The following EPM2A variants were observed in gnomAD, a reference collection of about 807,000 sequenced individuals.
EPM2A encodes the protein EPM2A glucan phosphatase, laforin, also known as laforin.
Under a neutral mutation model 26.5 loss-of-function variants are expected in EPM2A, and 21 were observed. That is an observed-to-expected ratio of 0.79 (90% CI 0.56 to 1.14). The LOEUF (loss-of-function observed/expected upper bound fraction) is 1.14. EPM2A is among the 50% of genes most tolerant of loss of function. EPM2A has a pLI of 0.00. For synonymous variants in EPM2A, 217 were observed against 177.6 expected, an observed-to-expected ratio of 1.22 and a Z score of -1.76; for missense variants, 458 against 440.8, an observed-to-expected ratio of 1.04 and a Z score of -0.35.
chr6:145,462,326 G>A (rs1779337143), intron 4 of EPM2A, among the ~76,000 whole-genome samples: 1 of 152,050 alleles, frequency 6.6e-6, no homozygotes, highest in South Asian at 2.1e-4. Context: ...GGGGTGGGTA[G>A]GATCAACCCC....
intron 4 of EPM2A, among the ~76,000 whole-genome samples, chr6:145,430,511 G>A (rs952455134): frequency 6.6e-6 from 1 of 151,796 alleles, no homozygotes; most frequent in Non-Finnish European, 1.5e-5. Context: ...TGAAGCAGGA[G>A]AATCGCTTGA....
At chr6:145,468,692 T>C (rs1316978410) in intron 4 of EPM2A, among the ~76,000 whole-genome samples, 1 of 152,074 alleles carries the variant, frequency 6.6e-6, no homozygotes, top group Non-Finnish European at 1.5e-5. Flanking sequence ...AATAAAACAT[T>C]GGGGAACCTC....
At chr6:145,714,324 TA>T (rs751985396) in intron 1 of EPM2A, among the ~76,000 whole-genome samples, 2 of 152,170 alleles carry the variant, frequency 1.3e-5, no homozygotes, top group African/African-American at 2.4e-5. Flanking sequence ...AGCCCTCAAT[TA>T]ACATGGTAGA....
chr6:145,490,932 G>A (rs1779746869), intron 4 of EPM2A: 2 of 764,692 alleles, frequency 2.6e-6, no homozygotes, highest in Admixed American at 1.8e-5. Context: ...CTTGTGTTCT[G>A]TGTGTACTTT....
intron 4 of EPM2A, among the ~76,000 whole-genome samples, chr6:145,397,747 T>C (rs1004581948): frequency 6.6e-6 from 1 of 152,186 alleles, no homozygotes; most frequent in Admixed American, 6.5e-5. Context: ...CCAACCTGTG[T>C]GCTGTTAAGT....
intron 2 of EPM2A, chr6:145,638,023 C>CATAA (rs1776824163): frequency 6.6e-6 from 1 of 152,082 alleles, no homozygotes; most frequent in Non-Finnish European, 1.5e-5. Context: ...GAAATAGAAA[C>CATAA]TATTATAAGA....
At chr6:145,428,397 A>T (rs1487688914) in intron 4 of EPM2A, among the ~76,000 whole-genome samples, 1 of 151,958 alleles carries the variant, frequency 6.6e-6, no homozygotes, top group African/African-American at 2.4e-5. Context: ...CTTTTTATCT[A>T]CACCCACCTT....
At chr6:145,727,120 G>T (rs1006989985) in intron 1 of EPM2A, among the ~76,000 whole-genome samples, 3 of 152,022 alleles carry the variant, frequency 2.0e-5, no homozygotes, top group African/African-American at 4.8e-5. Context: ...ACTCAAAAAG[G>T]CATGGAAAGA....
chr6:145,406,702 A>G (rs1330759900), intron 4 of EPM2A, among the ~76,000 whole-genome samples: 2 of 152,142 alleles, frequency 1.3e-5, no homozygotes, highest in East Asian at 3.9e-4. Flanking sequence ...TGAATATAGC[A>G]ATTATTTTTG....
chr6:145,697,374 G>T (rs1260928002), intron 1 of EPM2A, among the ~76,000 whole-genome samples: 1 of 152,128 alleles, frequency 6.6e-6, no homozygotes, highest in African/African-American at 2.4e-5. Flanking sequence ...GCAAATGGAG[G>T]CAGGGCAAGA....
intron 2 of EPM2A, among the ~76,000 whole-genome samples, chr6:145,579,421 C>A (rs1781082419): frequency 6.6e-6 from 1 of 152,096 alleles, no homozygotes; most frequent in South Asian, 2.1e-4. Context: ...GAGAATTGCC[C>A]CTGATATCAT....
rs142787247 is a variant in EPM2A at position 145,541,346 on chromosome 6, G to GTGTA, written c.341-38772_341-38771insTACA. 2.7e-4 allele frequency among the ~76,000 whole-genome samples: 40 copies of GTGTA among 148,364 alleles called. 1 individual carries two copies. Among genetic ancestry groups the GTGTA allele is most frequent in the African/African-American group, 9.1e-4 (37 of 40,466 alleles). On this transcript the variant is annotated intron_variant, in intron 2 of 3. Transcript: ENST00000450221. The stretch of plus-strand genomic sequence containing the variant: ...TATATGTGTATATATATGTGTGTGT[G>GTGTA]TATATATATATATATGATCGGTGTT...
At chr6:145,573,497 T>C (rs1780987312) in intron 2 of EPM2A, among the ~76,000 whole-genome samples, 1 of 152,240 alleles carries the variant, frequency 6.6e-6, no homozygotes, top group South Asian at 2.1e-4. Context: ...TCAAGATCCA[T>C]CTGTTTTCTG....
At chr6:145,515,948 T>A (rs1248400039) in intron 2 of EPM2A, among the ~76,000 whole-genome samples, 1 of 152,150 alleles carries the variant, frequency 6.6e-6, no homozygotes, top group African/African-American at 2.4e-5. Context: ...AGGGGAAATA[T>A]CAATACATTT....
At position 145,728,375 on chromosome 6, in the gene EPM2A, G is replaced by A. The variant is rs139951611; in HGVS notation, c.301+6823C>T. Reference sequence around the variant, plus strand: ...GGAACTTCCTGGAGACTCGTTGAATGGTTGTGACCAAGATGCTGATACTGA... The same window carrying A: ...GGAACTTCCTGGAGACTCGTTGAATAGTTGTGACCAAGATGCTGATACTGA... On this transcript the variant is annotated intron_variant, in intron 1 of 3. Coordinates refer to ENST00000367519, the MANE Select transcript of EPM2A (RefSeq NM_005670.4). Among the ~76,000 whole-genome samples the A allele has an allele frequency of 2.8e-3, 422 of 152,316 alleles. 5 individuals are homozygous for A. Among genetic ancestry groups the A allele is most frequent in the African/African-American group, 9.7e-3 (403 of 41,570 alleles).
chr6:145,419,673 T>C (rs954235627), intron 4 of EPM2A, among the ~76,000 whole-genome samples: 2 of 152,174 alleles, frequency 1.3e-5, no homozygotes, highest in Non-Finnish European at 2.9e-5. Context: ...AAATTTTCAT[T>C]GCACTAAAGA....
chr6:145,582,789 C>T (rs1781133139), intron 2 of EPM2A, among the ~76,000 whole-genome samples: 1 of 152,110 alleles, frequency 6.6e-6, no homozygotes, highest in Non-Finnish European at 1.5e-5. Context: ...TCAGAGACAC[C>T]AATGATTCAT....
intron 2 of EPM2A, among the ~76,000 whole-genome samples, chr6:145,508,766 C>G (rs1033256743): frequency 6.6e-6 from 1 of 152,052 alleles, no homozygotes; most frequent in East Asian, 1.9e-4. Flanking sequence ...TCTGAAATGA[C>G]AGATATAGAA....
At chr6:145,466,463 G>C (rs1346074952) in intron 4 of EPM2A, among the ~76,000 whole-genome samples, 41 of 152,176 alleles carry the variant, frequency 2.7e-4, no homozygotes, top group African/African-American at 9.6e-4. Context: ...ACACCAGTTA[G>C]AATGGCAATC....
Sources: allele counts gnomAD v4.1 joint callset (sites outside exome capture counted in the v4.1 genomes callset), GRCh38; gene constraint gnomAD v4.1.1; transcripts MANE v1.5; gene names NCBI Gene and HGNC (gene_info 2026-07-23, HGNC 2026-07-21).